ADGRL2: variants seen among roughly 807,000 people sequenced by gnomAD.
ADGRL2 encodes the protein calcium-independent alpha-latrotoxin receptor 2.
A neutral mutation model predicts 157.4 loss-of-function variants in ADGRL2; 44 were observed. The ratio of observed to expected loss-of-function variants is 0.28; its 90% CI spans 0.22 to 0.36. ADGRL2 has a LOEUF of 0.36. ADGRL2 is among the 10% of genes least tolerant of loss of function. The pLI is 1.00. For synonymous variants in ADGRL2, 585 were observed against 624.7 expected, an observed-to-expected ratio of 0.94 and a Z score of 0.95; for missense variants, 1,510 against 1,768.9, an observed-to-expected ratio of 0.85 and a Z score of 2.63.
chr1:81,867,635 T>A (rs2093580266), intron 2 of ADGRL2, among the ~76,000 whole-genome samples: 1 of 152,206 alleles, frequency 6.6e-6, no homozygotes, highest in African/African-American at 2.4e-5. Context: ...AAAAGAAGAT[T>A]GTGAACTACT....
At chr1:81,967,557 G>A (rs1281347068) in intron 13 of ADGRL2, among the ~76,000 whole-genome samples, 2 of 152,030 alleles carry the variant, frequency 1.3e-5, no homozygotes, top group Non-Finnish European at 2.9e-5. Flanking sequence ...CACCGCGCCC[G>A]GCCTATTTGA....
chr1:81,647,491 A>G (rs1482647406), intron 3 of ADGRL2, among the ~76,000 whole-genome samples: 2 of 152,130 alleles, frequency 1.3e-5, no homozygotes, highest in African/African-American at 4.8e-5. Context: ...ACAGCAGTTT[A>G]TTCAGTGTCC....
intron 1 of ADGRL2, among the ~76,000 whole-genome samples, chr1:81,750,629 A>T (rs182283905): frequency 2.6e-5 from 4 of 152,272 alleles, no homozygotes; most frequent in South Asian, 2.1e-4. Context: ...GAGGCAGAGA[A>T]TTGCTTGAAC....
intron 1 of ADGRL2, among the ~76,000 whole-genome samples, chr1:81,417,353 C>T (rs890843584): frequency 6.6e-6 from 1 of 152,112 alleles, no homozygotes. Context: ...ATTAACTTTA[C>T]AAAATATTAT....
chr1:81,952,202 C>A, intron 9 of ADGRL2, 60 bp downstream of exon 9: 1 of 1,394,532 alleles, frequency 7.2e-7, no homozygotes, highest in South Asian at 1.5e-5. Context: ...TCTTTCTTGT[C>A]TTATAGCAGT....
intron 1 of ADGRL2, among the ~76,000 whole-genome samples, chr1:81,829,761 G>T (rs2091803473): frequency 6.6e-6 from 1 of 152,112 alleles, no homozygotes; most frequent in African/African-American, 2.4e-5. Context: ...ATTACTTAAG[G>T]TAGAATCAGG....
intron 8 of ADGRL2, among the ~76,000 whole-genome samples, 196 bp from the exon 9 acceptor site, chr1:81,951,761 A>G (rs748954626): frequency 7.3e-4 from 111 of 151,976 alleles, no homozygotes; most frequent in Non-Finnish European, 1.2e-3. Context: ...TGCCTGGTTC[A>G]GAATTGTGTG....
intron 1 of ADGRL2, among the ~76,000 whole-genome samples, chr1:81,371,931 A>C (rs1359187442): frequency 6.6e-6 from 1 of 152,194 alleles, no homozygotes; most frequent in East Asian, 1.9e-4. Context: ...ATAAACAAAG[A>C]AAAAAGGAAT....
intron 1 of ADGRL2, among the ~76,000 whole-genome samples, chr1:81,720,684 A>G (rs943737582): frequency 7.2e-5 from 11 of 152,126 alleles, no homozygotes; most frequent in Non-Finnish European, 1.0e-4. Context: ...CTATATCATC[A>G]TAAGGAAGTA....
chr1:81,715,320 T>C (rs1296042218), intron 1 of ADGRL2, among the ~76,000 whole-genome samples: 1 of 151,934 alleles, frequency 6.6e-6, no homozygotes, highest in Non-Finnish European at 1.5e-5. Flanking sequence ...AAGAGACATA[T>C]ATATATATAT....
At chr1:81,511,824 A>C (rs937362155) in intron 2 of ADGRL2, among the ~76,000 whole-genome samples, 1 of 152,114 alleles carries the variant, frequency 6.6e-6, no homozygotes, top group African/African-American at 2.4e-5. Flanking sequence ...AACACTTATG[A>C]AGTGTCAAGA....
intron 2 of ADGRL2, among the ~76,000 whole-genome samples, chr1:81,861,502 C>G (rs1230146165): frequency 6.6e-6 from 1 of 152,130 alleles, no homozygotes; most frequent in African/African-American, 2.4e-5. Context: ...AAGGTGTTAC[C>G]GTGCAGTGTT....
chr1:81,840,903 C>A (rs980799765), intron 2 of ADGRL2, among the ~76,000 whole-genome samples: 12 of 151,992 alleles, frequency 7.9e-5, no homozygotes, highest in African/African-American at 2.4e-4. Flanking sequence ...TGCTTTGATT[C>A]TTTTGGCCAG....
At chr1:81,722,464 C>G (rs985497696) in intron 1 of ADGRL2, 5 of 1,467,352 alleles carry the variant, frequency 3.4e-6, no homozygotes, top group Non-Finnish European at 3.8e-6. Flanking sequence ...AGAGGGCCAG[C>G]GTTTTCGTCA....
Position 81,990,866 on chromosome 1 carries a change from CAG to C in ADGRL2, c.4135_4136del (p.Asp1379LeufsTer10). 4 of 1,614,134 alleles carry C rather than the reference CAG, an allele frequency of 2.5e-6. No homozygotes were observed. Among genetic ancestry groups the C allele is most frequent in the Non-Finnish European group, 2.5e-6 (3 of 1,180,014 alleles). On this transcript the variant is annotated frameshift_variant, in exon 24 of 24. Transcript: ENST00000686636. LOFTEE classifies it high-confidence loss of function. ...CTGAAGATCACCTACAGTCCCCCAA[CAG>C]AGACTCTCTTTATACAAGCATGCCC... ...EAEDHLQSPN[R>X]DSLYTSMPNL...
intron 2 of ADGRL2, chr1:81,501,777 C>T (rs1180225341): frequency 6.5e-6 from 10 of 1,543,248 alleles, no homozygotes; most frequent in African/African-American, 1.6e-5. Flanking sequence ...AAAATGGAGC[C>T]ACTTCAGCAG....
At chr1:81,940,584 T>C (rs1647536915) in intron 4 of ADGRL2, among the ~76,000 whole-genome samples, 1 of 151,632 alleles carries the variant, frequency 6.6e-6, no homozygotes, top group Non-Finnish European at 1.5e-5. Context: ...GCAAAAATGT[T>C]CGTGTGATGT....
At chr1:81,940,362 T>C (rs1405502077) in intron 4 of ADGRL2, among the ~76,000 whole-genome samples, 1 of 151,624 alleles carries the variant, frequency 6.6e-6, no homozygotes, top group Non-Finnish European at 1.5e-5. Context: ...TCTAAGCAGG[T>C]ATAATATTGC....
At chr1:81,551,948 A>G (rs2080156397) in intron 2 of ADGRL2, among the ~76,000 whole-genome samples, 1 of 152,196 alleles carries the variant, frequency 6.6e-6, no homozygotes, top group African/African-American at 2.4e-5. Context: ...GAGATATTAC[A>G]ATGGAGGTAA....
Sources: gnomAD v4.1 joint callset for allele counts (sites outside exome capture counted in the v4.1 genomes callset) on GRCh38, gnomAD v4.1.1 for gene constraint, MANE v1.5 for transcripts, NCBI Gene and HGNC (gene_info 2026-07-23, HGNC 2026-07-21) for gene names.